Variants in IFTAP observed in about 807,000 individuals in gnomAD.
IFTAP encodes intraflagellar transport-associated protein.
In IFTAP, 19 loss-of-function variants were observed where a neutral mutation model predicts 19.4. The ratio of observed to expected loss-of-function variants is 0.98; its 90% CI spans 0.68 to 1.44. The LOEUF (loss-of-function observed/expected upper bound fraction) is 1.44. Among genes scored for constraint, IFTAP ranks in the 40% most tolerant of loss-of-function variants. IFTAP has a pLI of 0.00. For synonymous variants in IFTAP, 85 were observed against 83.5 expected (o/e 1.02, Z -0.10); for missense variants, 240 against 253.6 (o/e 0.95, Z 0.36).
chr11:36,640,204 T>C (rs571995135), intron 4 of IFTAP, among the ~76,000 whole-genome samples: 19 of 152,308 alleles, frequency 1.2e-4, no homozygotes, highest in South Asian at 4.1e-4. Context: ...GATGTTTGCA[T>C]TGAAGTTGGA....
chr11:36,647,992 G>A (rs1395709237), intron 4 of IFTAP, 24 bp from the exon 5 acceptor site: 1 of 1,606,722 alleles, frequency 6.2e-7, no homozygotes, highest in Admixed American at 1.7e-5. Flanking sequence ...GAAAGGCTCA[G>A]TTGAAATGTT....
intron 1 of IFTAP, among the ~76,000 whole-genome samples, chr11:36,600,933 A>C (rs749486878): frequency 3.3e-5 from 5 of 152,222 alleles, no homozygotes; most frequent in African/African-American, 4.8e-5. Context: ...CAAACTACTC[A>C]GGATCAGAAA....
chr11:36,621,928 T>C (rs1852304892), intron 2 of IFTAP, among the ~76,000 whole-genome samples: 1 of 152,080 alleles, frequency 6.6e-6, no homozygotes, highest in African/African-American at 2.4e-5. Flanking sequence ...TGCATAGTAT[T>C]GATGAACATC....
rs191223898 is a variant in IFTAP at position 36,611,114 on chromosome 11, G to C, written c.136+875G>C. On this transcript the variant is annotated intron_variant, in intron 2 of 5. Transcript: ENST00000334307. ...AGCTCCTTAGTTTGTCACGCTCTCT[G>C]GCACTCACACAGTCTAAAAATGTGA... 1.8e-3 allele frequency among the ~76,000 whole-genome samples: 267 copies of C among 152,084 alleles called. 2 individuals carry two copies. Among genetic ancestry groups the C allele is most frequent in the Non-Finnish European group, 9.1e-4 (62 of 67,974 alleles).
intron 4 of IFTAP, among the ~76,000 whole-genome samples, chr11:36,641,314 C>A (rs1417430403): frequency 6.6e-6 from 1 of 151,650 alleles, no homozygotes; most frequent in African/African-American, 2.4e-5. Context: ...GTAATGATTC[C>A]AATATACAAA....
Position 36,624,744 on chromosome 11 carries a change from G to T in IFTAP, c.137-8540G>T, listed in dbSNP as rs191813392. Among the ~76,000 whole-genome samples the T allele has an allele frequency of 5.3e-5, 8 of 152,170 alleles. No individual in the cohort carries two copies. In the East Asian group the frequency reaches 9.6e-4, roughly 18 times the overall value. On this transcript the variant is annotated intron_variant, in intron 2 of 5. Transcript: ENST00000334307. ...ATCCTATTGCTTGGAACAAGGGTGT[G>T]GGGGGGTGTCATCCTGGACCATGTG...
intron 4 of IFTAP, among the ~76,000 whole-genome samples, chr11:36,639,866 G>C (rs1231893863): frequency 6.6e-6 from 1 of 152,124 alleles, no homozygotes; most frequent in East Asian, 1.9e-4. Flanking sequence ...ATGAGCAAGT[G>C]CATACAAATG....
intron 2 of IFTAP, among the ~76,000 whole-genome samples, chr11:36,611,213 C>G (rs944666840): frequency 5.9e-5 from 9 of 152,104 alleles, no homozygotes; most frequent in African/African-American, 1.9e-4. Context: ...CTGGGTTCTG[C>G]TTCAGATTGC....
chr11:36,608,398 G>GTGCTC (rs1447712505), intron 1 of IFTAP, among the ~76,000 whole-genome samples: 1 of 152,158 alleles, frequency 6.6e-6, no homozygotes. Flanking sequence ...AGGAAGCTTG[G>GTGCTC]TGCTCTCCCT....
chr11:36,611,824 T>G (rs1851887190), intron 2 of IFTAP, among the ~76,000 whole-genome samples: 1 of 152,094 alleles, frequency 6.6e-6, no homozygotes, highest in African/African-American at 2.4e-5. Context: ...CAAATTATCT[T>G]TTAGTCTGTG....
intron 2 of IFTAP, among the ~76,000 whole-genome samples, chr11:36,611,348 G>A (rs567239608): frequency 6.6e-6 from 1 of 152,026 alleles, no homozygotes; most frequent in Non-Finnish European, 1.5e-5. Context: ...TGACATCAGA[G>A]CCCACTCTAA....
At chr11:36,604,585 G>T (rs1327222418) in intron 1 of IFTAP, among the ~76,000 whole-genome samples, 1 of 152,114 alleles carries the variant, frequency 6.6e-6, no homozygotes, top group African/African-American at 2.4e-5. Flanking sequence ...TGCTCAGCCT[G>T]TGGCCTTTTG....
intron 4 of IFTAP, among the ~76,000 whole-genome samples, chr11:36,640,273 A>C (rs1361944912): frequency 2.7e-5 from 4 of 148,550 alleles, no homozygotes; most frequent in Admixed American, 2.0e-4. Context: ...GTGGCACCAA[A>C]TTATACTAGC....
intron 2 of IFTAP, among the ~76,000 whole-genome samples, chr11:36,617,996 T>C (rs1471716105): frequency 6.6e-6 from 1 of 152,056 alleles, no homozygotes; most frequent in East Asian, 1.9e-4. Context: ...GCTCTTCACA[T>C]GTATCATCTC....
intron 4 of IFTAP, among the ~76,000 whole-genome samples, chr11:36,643,496 A>G (rs1001585699): frequency 6.6e-6 from 1 of 152,198 alleles, no homozygotes; most frequent in African/African-American, 2.4e-5. Context: ...TGGAAAAACT[A>G]CTTTAAAGTT....
At chr11:36,621,927 T>C (rs1309112192) in intron 2 of IFTAP, among the ~76,000 whole-genome samples, 1 of 152,072 alleles carries the variant, frequency 6.6e-6, no homozygotes, top group Non-Finnish European at 1.5e-5. Context: ...TTGCATAGTA[T>C]TGATGAACAT....
At chr11:36,621,959 G>T (rs780622619) in intron 2 of IFTAP, among the ~76,000 whole-genome samples, 16 of 151,958 alleles carry the variant, frequency 1.1e-4, no homozygotes, top group Non-Finnish European at 1.9e-4. Context: ...TATTGCCATT[G>T]GTTTTGGGGT....
chr11:36,635,932 AT>A (rs1852930466), intron 3 of IFTAP, 118 bp from the exon 4 acceptor site: 1 of 704,220 alleles, frequency 1.4e-6, no homozygotes, highest in Non-Finnish European at 2.6e-6. Flanking sequence ...TCAAGAGTTA[AT>A]GAGAAAAGTG....
intron 5 of IFTAP, among the ~76,000 whole-genome samples, chr11:36,651,914 C>G (rs1038914486): frequency 6.6e-6 from 1 of 152,150 alleles, no homozygotes; most frequent in Admixed American, 6.6e-5. Flanking sequence ...TGGTCTATAT[C>G]TCTGGTTTGG....
Sources: allele counts gnomAD v4.1 joint callset (sites outside exome capture counted in the v4.1 genomes callset), GRCh38; gene constraint gnomAD v4.1.1; transcripts MANE v1.5; gene names NCBI Gene and HGNC (gene_info 2026-07-23, HGNC 2026-07-21).